Variants in PITPNM3 observed in about 807,000 individuals in gnomAD.
PITPNM3 encodes the protein membrane-associated phosphatidylinositol transfer protein 3.
In PITPNM3, 26 loss-of-function variants were observed where a neutral mutation model predicts 102.0. The observed-to-expected ratio is 0.25, with a 90% CI of 0.19 to 0.35. PITPNM3 has a LOEUF of 0.35. PITPNM3 is among the 10% of genes least tolerant of loss of function. PITPNM3 has a pLI of 1.00. For missense variants in PITPNM3, 1,083 were observed against 1,346.1 expected (o/e 0.80, Z 3.06); for synonymous variants, 578 against 558.6 (o/e 1.03, Z -0.49).
intron 1 of PITPNM3, among the ~76,000 whole-genome samples, chr17:6,544,912 C>A (rs1597418077): frequency 6.6e-6 from 1 of 152,146 alleles, no homozygotes; most frequent in African/African-American, 2.4e-5. Flanking sequence ...CACTTCAGTG[C>A]TCTCAGCTCT....
Position 6,503,560 on chromosome 17 carries a change from G to A in PITPNM3, c.241C>T (p.Pro81Ser). Residue 81 changes from proline to serine, a missense_variant, in exon 4 of 20, where the codon CCG becomes TCG. Around this residue, in one of 5 missense-constraint regions of PITPNM3, gnomAD observed 290 missense variants for 337.8 expected, o/e 0.86. Coordinates refer to ENST00000262483, the MANE Select transcript of PITPNM3 (RefSeq NM_031220.4). ...TCCTGGAGGATGCTGGATGTGCACG[G>A]CGCGGTCCCTTCTCCTGCAGAAAAA... The part of the protein sequence containing the change: ...LDEHQGEGTA[P>S]CTSSILQEKQ... 1 of 1,611,800 alleles carries A rather than the reference G, an allele frequency of 6.2e-7. No individual in the cohort carries two copies. Among genetic ancestry groups the A allele is most frequent in the Middle Eastern group, 1.7e-4 (1 of 6,006 alleles).
chr17:6,497,750 G>C (rs561892285), intron 4 of PITPNM3, among the ~76,000 whole-genome samples: 1 of 152,208 alleles, frequency 6.6e-6, no homozygotes. Flanking sequence ...GGTCACATGT[G>C]TCAGGTGGCT....
intron 14 of PITPNM3, among the ~76,000 whole-genome samples, chr17:6,466,810 T>C (rs1367271918): frequency 2.0e-5 from 3 of 151,998 alleles, no homozygotes; most frequent in Admixed American, 6.6e-5. Context: ...TGGACGTTCA[T>C]AGCAGCATTA....
Position 6,457,458 on chromosome 17 carries a change from A to G in PITPNM3, c.2619+136T>C, listed in dbSNP as rs1433382903. On this transcript the variant is annotated intron_variant, in intron 19 of 19. Coordinates refer to ENST00000262483, the MANE Select transcript of PITPNM3 (RefSeq NM_031220.4). This position sits in a 1 kb window ranked among gnomAD's most constrained non-coding sequence, Gnocchi z 4.7. ...CCCTGGCCCAAGGCAGGCACCCCGA[A>G]GTGTTTGTTGAATAAATGAATGAGC... 10 of 1,421,482 alleles carry G rather than the reference A, an allele frequency of 7.0e-6. No homozygotes were observed. The East Asian group carries it at 2.2e-4, about 32-fold the overall frequency. 88.1% of individuals were successfully genotyped at this position (1,421,482 alleles called of 1,614,324 possible). A position where few individuals can be genotyped will look rare whatever the true frequency, so the allele number is the denominator to read the frequency against.
chr17:6,475,680 A>C (rs1905271133), intron 9 of PITPNM3, among the ~76,000 whole-genome samples: 1 of 152,158 alleles, frequency 6.6e-6, no homozygotes, highest in African/African-American at 2.4e-5. Flanking sequence ...TTGCCAAAGA[A>C]ACCACCATCT....
At chr17:6,473,457 GCCT>G (rs1905156027) in intron 10 of PITPNM3, among the ~76,000 whole-genome samples, 1 of 152,168 alleles carries the variant, frequency 6.6e-6, no homozygotes, top group Non-Finnish European at 1.5e-5. Flanking sequence ...ATGGGGTTCT[GCCT>G]CCTCGCCTCC....
chr17:6,544,654 T>TCTCTCTCTCTCTCTCTCTCA (rs376230474), intron 1 of PITPNM3, among the ~76,000 whole-genome samples: 2 of 130,206 alleles, frequency 1.5e-5, no homozygotes, highest in Non-Finnish European at 3.2e-5. Flanking sequence ...TCTCTCTCTC[T>TCTCTCTCTCTCTCTCTCTCA]CACACACACA....
intron 1 of PITPNM3, among the ~76,000 whole-genome samples, chr17:6,538,524 A>G (rs1393790647): frequency 6.6e-6 from 1 of 152,228 alleles, no homozygotes; most frequent in Non-Finnish European, 1.5e-5. Context: ...CGATGTCACC[A>G]GCCCAAAAGG....
rs1007890372 is a variant in PITPNM3 at position 6,515,161 on chromosome 17, C to A, written c.226+10195G>T. 5.3e-5 allele frequency among the ~76,000 whole-genome samples: 8 copies of A among 151,900 alleles called. No individual in the cohort carries two copies. The East Asian group carries it at 1.4e-3, about 26-fold the overall frequency. ...CTGTAATCCCAGCACTTTGGGAGACCGAGGTGGGCGGATCACTTGAGGTCA... is the reference window on the plus strand; with the variant it reads ...CTGTAATCCCAGCACTTTGGGAGACAGAGGTGGGCGGATCACTTGAGGTCA... On this transcript the variant is annotated intron_variant, in intron 3 of 19. Coordinates refer to ENST00000262483, the MANE Select transcript of PITPNM3 (RefSeq NM_031220.4).
chr17:6,554,036 A>C (rs530657175), intron 1 of PITPNM3, among the ~76,000 whole-genome samples: 3 of 152,102 alleles, frequency 2.0e-5, no homozygotes, highest in Non-Finnish European at 4.4e-5. Context: ...AAGAGAAGGG[A>C]GACCAGGCGC....
In PITPNM3 at chr17:6,471,700, A is replaced by G. The variant is rs1231252323; in HGVS notation, c.1430-345T>C. On this transcript the variant is annotated intron_variant, in intron 11 of 19. Coordinates refer to ENST00000262483, the MANE Select transcript of PITPNM3 (RefSeq NM_031220.4). ...CAAAAGCACCAGCTGAGGTCCCAGG[A>G]GTGACTCATAGCCATATCCTCTCTT... is the stretch of plus-strand genomic sequence containing the variant. 2.0e-5 allele frequency among the ~76,000 whole-genome samples: 3 copies of G among 152,192 alleles called. No individual in the cohort carries two copies. In the East Asian group the frequency reaches 5.8e-4, roughly 29 times the overall value.
rs1319716549 is a variant in PITPNM3 at position 6,454,168 on chromosome 17, C to T, written c.*1170G>A. The T allele has an allele frequency of 6.6e-6, 1 of 152,238 alleles. No individual in the cohort carries two copies. The highest frequency in any genetic ancestry group is 2.4e-5 in the African/African-American group (1 of 41,450). 9.4% of individuals were successfully genotyped at this position (152,238 alleles called of 1,614,324 possible). On this transcript the variant is annotated 3_prime_UTR_variant, in exon 20 of 20. Coordinates refer to ENST00000262483, the MANE Select transcript of PITPNM3 (RefSeq NM_031220.4). ...TGGGAGCCAAAAAGGATAAAAGGGT[C>T]CTGGCAGAGCTGGGGTTATGGGGAG... is the stretch of plus-strand genomic sequence containing the variant.
chr17:6,544,899 T>A (rs1184953332), intron 1 of PITPNM3, among the ~76,000 whole-genome samples: 1 of 152,062 alleles, frequency 6.6e-6, no homozygotes. Context: ...GCACTTAGAA[T>A]CACACTTCAG....
chr17:6,550,166 C>A (rs79875000), intron 1 of PITPNM3, among the ~76,000 whole-genome samples: 77 of 152,362 alleles, frequency 5.1e-4, no homozygotes, highest in African/African-American at 1.7e-3. Context: ...AAAGCCAGGG[C>A]TCTCCTTCGT....
At position 6,477,198 on chromosome 17, in the gene PITPNM3, C is replaced by T. The variant is rs1905357036; in HGVS notation, c.916G>A (p.Val306Met). ...ISSTQDTPVA[V>M]EEDCSLASSK... ...CTGGCCAGGCTGCAATCTTCCTCCA[C>T]CGCGACTGGGGTGTCCTTTGGGACC... Residue 306 changes from valine (V) to methionine (M), a missense_variant, in exon 9 of 20, where the codon GTG becomes ATG. Transcript: ENST00000262483. 1 of 1,614,016 alleles carries T rather than the reference C, an allele frequency of 6.2e-7. No individual in the cohort carries two copies. Among genetic ancestry groups the T allele is most frequent in the Non-Finnish European group, 8.5e-7 (1 of 1,180,028 alleles).
chr17:6,464,069 G>A (rs58747673), intron 16 of PITPNM3, 101 bp downstream of exon 16: 1 of 1,581,802 alleles, frequency 6.3e-7, no homozygotes, highest in Non-Finnish European at 8.7e-7. Flanking sequence ...CAGAGATGGG[G>A]GCCCACAAAG....
intron 3 of PITPNM3, among the ~76,000 whole-genome samples, chr17:6,512,901 T>C (rs1265432963): frequency 6.6e-6 from 1 of 152,094 alleles, no homozygotes; most frequent in East Asian, 1.9e-4. Flanking sequence ...AGAAGAGATA[T>C]ATAAACCCCA....
intron 2 of PITPNM3, among the ~76,000 whole-genome samples, chr17:6,528,527 G>A (rs1401559430): frequency 7.3e-6 from 1 of 137,860 alleles, no homozygotes; most frequent in Non-Finnish European, 1.6e-5. Context: ...GTGTGCATGT[G>A]TGTACATGCA....
chr17:6,476,877 C>T (rs1905330323), intron 9 of PITPNM3, 152 bp downstream of exon 9: 2 of 782,030 alleles, frequency 2.6e-6, no homozygotes, highest in East Asian at 3.3e-5. Flanking sequence ...TGTGGTCCCT[C>T]AGTACAGGGC....
Sources: gnomAD v4.1 joint callset for allele counts (sites outside exome capture counted in the v4.1 genomes callset) on GRCh38, gnomAD v4.1.1 for gene constraint, gnomAD v4.1.1 regional missense constraint, Gnocchi (gnomAD v3.1) non-coding constraint, MANE v1.5 for transcripts, NCBI Gene and HGNC (gene_info 2026-07-23, HGNC 2026-07-21) for gene names.